NCKAP5: variants seen among roughly 807,000 people sequenced by gnomAD.
NCKAP5 encodes NCK associated protein 5.
NCKAP5 carries 92 observed loss-of-function variants against 167.0 expected under a neutral mutation model. The observed-to-expected ratio is 0.55, with a 90% confidence interval of 0.47 to 0.66. The LOEUF is 0.66. NCKAP5 is among the 30% of genes least tolerant of loss of function. NCKAP5 has a pLI of 0.00. For missense variants in NCKAP5, 2,378 were observed against 2,315.0 expected (o/e 1.03, Z -0.56); for synonymous variants, 891 against 877.4 (o/e 1.02, Z -0.27).
rs577101791 is a variant in NCKAP5, at chr2:133,500,554, A to C, written c.69+16904T>G. Among the ~76,000 whole-genome samples the C allele has an allele frequency of 4.6e-5, 7 of 152,350 alleles. No homozygotes were observed. The South Asian group carries it at 1.4e-3, about 32-fold the overall frequency. On this transcript the variant is annotated intron_variant, in intron 3 of 19. Coordinates refer to ENST00000409261, the MANE Select transcript of NCKAP5 (RefSeq NM_207363.3). ...GTAATGACCACGTCCTAAAGAGGCA[A>C]CAGTGGCCTCAGCAAAACAGCACCC...
chr2:132,790,927 T>A (rs972284028), intron 12 of NCKAP5, among the ~76,000 whole-genome samples: 8 of 152,108 alleles, frequency 5.3e-5, no homozygotes, highest in Non-Finnish European at 1.2e-4. Context: ...GGTGAGAATA[T>A]CAAATCAGTA....
At chr2:133,547,712 T>C (rs111566789) in intron 2 of NCKAP5, among the ~76,000 whole-genome samples, 80,094 of 143,936 alleles carry the variant, frequency 0.56, 23,595 homozygotes, top group East Asian at 0.95. Context: ...GACATCCACA[T>C]CGAAAACCCA....
chr2:133,236,297 T>A (rs1279736494), intron 4 of NCKAP5, among the ~76,000 whole-genome samples: 4 of 152,130 alleles, frequency 2.6e-5, no homozygotes, highest in African/African-American at 9.7e-5. Flanking sequence ...CTCACAGGAA[T>A]CTAACCCTGT....
At chr2:133,307,015 A>G (rs888977961) in intron 3 of NCKAP5, among the ~76,000 whole-genome samples, 1 of 152,194 alleles carries the variant, frequency 6.6e-6, no homozygotes, top group African/African-American at 2.4e-5. Context: ...CCTAACACAT[A>G]TCTATGAAAA....
At chr2:133,572,133 T>G (rs1688889744), upstream of NCKAP5, among the ~76,000 whole-genome samples, 1 of 152,214 alleles carries the variant, frequency 6.6e-6, no homozygotes, top group African/African-American at 2.4e-5. Flanking sequence ...GATCCGGAAT[T>G]TCAACTCAGG....
intron 16 of NCKAP5, among the ~76,000 whole-genome samples, chr2:132,741,024 T>C (rs1462145507): frequency 2.0e-5 from 3 of 152,064 alleles, no homozygotes; most frequent in African/African-American, 7.2e-5. Flanking sequence ...AGTTTAAGGA[T>C]ACAAATTGGA....
intron 8 of NCKAP5, among the ~76,000 whole-genome samples, chr2:132,923,911 A>G (rs1360345676): frequency 6.6e-6 from 1 of 152,224 alleles, no homozygotes; most frequent in Non-Finnish European, 1.5e-5. Flanking sequence ...GTCCTCCCCT[A>G]ACCATATTTG....
chr2:133,521,069 C>T (rs1372633267), intron 2 of NCKAP5, among the ~76,000 whole-genome samples: 2 of 152,144 alleles, frequency 1.3e-5, no homozygotes, highest in African/African-American at 4.8e-5. Flanking sequence ...AACCAGGATG[C>T]AGCAATATGA....
chr2:133,016,177 T>C (rs906984521), intron 6 of NCKAP5, among the ~76,000 whole-genome samples: 1 of 152,156 alleles, frequency 6.6e-6, no homozygotes, highest in African/African-American at 2.4e-5. Flanking sequence ...TGCTCCGCAG[T>C]AAAACCAAAT....
intron 16 of NCKAP5, among the ~76,000 whole-genome samples, chr2:132,761,994 T>C (rs1681049116): frequency 6.6e-6 from 1 of 152,226 alleles, no homozygotes; most frequent in Non-Finnish European, 1.5e-5. Context: ...CATCTGGTCA[T>C]CATTTAGAAT....
intron 8 of NCKAP5, among the ~76,000 whole-genome samples, chr2:132,890,194 T>A (rs954002427): frequency 1.3e-5 from 2 of 152,206 alleles, no homozygotes; most frequent in African/African-American, 4.8e-5. Context: ...CTGTACTTTA[T>A]TTTCTCTTTG....
chr2:133,113,885 G>A (rs71413531), intron 6 of NCKAP5, among the ~76,000 whole-genome samples: 3,204 of 152,266 alleles, frequency 0.021, 48 homozygotes, highest in Non-Finnish European at 0.03. Flanking sequence ...CTGCAAGCTG[G>A]GTGTTAGGAA....
intron 5 of NCKAP5, among the ~76,000 whole-genome samples, chr2:133,187,020 T>C (rs1317083909): frequency 6.6e-6 from 1 of 151,948 alleles, no homozygotes; most frequent in East Asian, 1.9e-4. Context: ...TTGTTCCTCT[T>C]TCCTAGTTTC....
intron 4 of NCKAP5, among the ~76,000 whole-genome samples, chr2:133,291,465 G>A (rs1335969669): frequency 1.3e-5 from 2 of 152,140 alleles, no homozygotes; most frequent in African/African-American, 4.8e-5. Flanking sequence ...TGCAACCAAA[G>A]CAACCCAGGG....
intron 18 of NCKAP5, among the ~76,000 whole-genome samples, 154 bp downstream of exon 18, chr2:132,728,662 G>T (rs1690697606): frequency 1.3e-5 from 2 of 152,056 alleles, no homozygotes; most frequent in South Asian, 4.1e-4. Context: ...ATAAGGCAGG[G>T]GAAAGGGTGA....
At chr2:133,584,684 A>G in the NCKAP5 span, among the ~76,000 whole-genome samples, 1 of 152,066 alleles carries the variant, frequency 6.6e-6, no homozygotes, top group Admixed American at 6.6e-5. Flanking sequence ...GAATTGCTTG[A>G]ACCCAAGAGG....
rs1310367489 is a variant in NCKAP5 at position 132,920,678 on chromosome 2, T to TATATATAA, written c.580-41763_580-41762insTTATATAT. On this transcript the variant is annotated intron_variant, in intron 8 of 19. Transcript: ENST00000409261. The stretch of plus-strand genomic sequence containing the variant: ...AAGAACTTATATATATATATATATA[T>TATATATAA]AAGTTAGTTTATATATATATATACG... Among the ~76,000 whole-genome samples, 23 of 115,482 alleles carry TATATATAA rather than the reference T, an allele frequency of 2.0e-4. 2 individuals are homozygous for TATATATAA. The highest frequency in any genetic ancestry group is 7.2e-4 in the African/African-American group (19 of 26,352). 75.8% of individuals were successfully genotyped at this position (115,482 alleles called of 152,430 possible).
the NCKAP5 span, among the ~76,000 whole-genome samples, chr2:133,653,477 T>A: frequency 6.6e-6 from 1 of 152,200 alleles, no homozygotes; most frequent in Non-Finnish European, 1.5e-5. Flanking sequence ...TGTTAACCCA[T>A]CACCCCTTTT....
chr2:133,580,802 C>T, the NCKAP5 span, among the ~76,000 whole-genome samples: 7 of 152,160 alleles, frequency 4.6e-5, no homozygotes, highest in Non-Finnish European at 8.8e-5. Context: ...CAAAATCACA[C>T]CATCAAAGAC....
Sources: gnomAD v4.1 joint callset for allele counts (sites outside exome capture counted in the v4.1 genomes callset) on GRCh38, gnomAD v4.1.1 for gene constraint, MANE v1.5 for transcripts, NCBI Gene and HGNC (gene_info 2026-07-23, HGNC 2026-07-21) for gene names.